Variants in ACTR10 observed in about 807,000 individuals in gnomAD.
The protein encoded by ACTR10 is actin related protein 10.
ACTR10 carries 43 observed loss-of-function variants against 56.2 expected under a neutral mutation model. The ratio of observed to expected loss-of-function variants is 0.77; its 90% confidence interval spans 0.60 to 0.99. The LOEUF is 0.99. Among genes scored for constraint, ACTR10 ranks in the 50% least tolerant of loss-of-function variants. The pLI is 0.00. For missense variants in ACTR10, 466 were observed against 507.8 expected (o/e 0.92, Z 0.79); for synonymous variants, 170 against 176.3 (o/e 0.96, Z 0.28).
intron 1 of ACTR10, among the ~76,000 whole-genome samples, chr14:58,201,289 T>C (rs528259033): frequency 6.6e-6 from 1 of 152,354 alleles, no homozygotes; most frequent in Admixed American, 6.5e-5. Flanking sequence ...TCCTTATTTA[T>C]ATTTTCTTAT....
intron 2 of ACTR10, 106 bp downstream of exon 2, chr14:58,203,033 G>A: frequency 2.7e-6 from 2 of 736,944 alleles, no homozygotes; most frequent in Non-Finnish European, 4.3e-6. Flanking sequence ...CAGCCGTGGT[G>A]GCTCACGCCT....
rs376320742 is a variant in ACTR10, at chr14:58,232,149, A to T, written c.954A>T (p.Arg318Ser). ...CTATGTTGCCAGGATTTCTCCACAG[A>T]TTGCTTGCAGAAATAAGGTATTTGG... The part of the protein sequence containing the change: ...GTSMLPGFLH[R>S]LLAEIRYLVE... Residue 318 changes from arginine (R) to serine (S), a missense_variant, in exon 12 of 13, where the codon AGA (arginine) becomes AGT (serine). Physicochemically the swap from Arg to Ser is moderately radical, Grantham distance 110. Transcript: ENST00000254286. 4 of 1,613,838 alleles carry T rather than the reference A, an allele frequency of 2.5e-6. No homozygotes were observed. The African/African-American group carries it at 4.0e-5, about 16-fold the overall frequency.
chr14:58,211,888 C>T (rs1027161059), intron 5 of ACTR10, among the ~76,000 whole-genome samples: 2 of 150,374 alleles, frequency 1.3e-5, no homozygotes, highest in African/African-American at 2.5e-5. Flanking sequence ...TGCAGTGAGC[C>T]GAGATCATGC....
chr14:58,219,969 G>A lies in ACTR10; in HGVS notation c.634+240G>A, dbSNP rs76909940. Among the ~76,000 whole-genome samples the A allele has an allele frequency of 0.013, 1,955 of 152,206 alleles. 45 individuals are homozygous for A. Among genetic ancestry groups the A allele is most frequent in the African/African-American group, 0.045 (1,858 of 41,514 alleles). The stretch of plus-strand genomic sequence containing the variant: ...TTCTCAATTGTATACAGAGTATACA[G>A]GGTTACCAGGGAACTAGTATTTTGC... On this transcript the variant is annotated intron_variant, in intron 8 of 12. Transcript: ENST00000254286.
intron 10 of ACTR10, 49 bp downstream of exon 10, chr14:58,223,905 T>C: frequency 2.7e-6 from 4 of 1,477,752 alleles, no homozygotes; most frequent in Non-Finnish European, 3.7e-6. Flanking sequence ...AATAAACTTT[T>C]GGCTTTTAAA....
At position 58,200,249 on chromosome 14, in the gene ACTR10, G is replaced by C. The variant is rs765840778; in HGVS notation, c.32G>C (p.Gly11Ala). The change falls in exon 1 of 13, where the codon GGG becomes GCG. Residue 11 changes from glycine (G) to alanine (A), a missense_variant. Transcript: ENST00000254286. MPLYEGLGSGGEKTAVVIDLG... is the reference protein window; with the variant it reads MPLYEGLGSGAEKTAVVIDLG... ...CTCTACGAGGGCCTGGGGAGCGGCG[G>C]GGAGAAGACGGCGGTCGTGATCGAC... is the stretch of plus-strand genomic sequence containing the variant. The C allele has an allele frequency of 3.2e-5, 48 of 1,517,218 alleles. No individual in the cohort carries two copies. Among genetic ancestry groups the C allele is most frequent in the Non-Finnish European group, 4.2e-5 (48 of 1,136,258 alleles). 94.0% of individuals were successfully genotyped at this position (1,517,218 alleles called of 1,614,324 possible).
At chr14:58,231,663 ATACACCTTAGAAAAATTAAATTTC>A (rs1889537694) in intron 11 of ACTR10, among the ~76,000 whole-genome samples, 1 of 152,198 alleles carries the variant, frequency 6.6e-6, no homozygotes, top group South Asian at 2.1e-4. Flanking sequence ...GGCACTGTGA[ATACACCTTAGAAAAATTAAATTTC>A]TACATATTTC....
chr14:58,201,616 A>G (rs1464130506), intron 1 of ACTR10, among the ~76,000 whole-genome samples: 1 of 152,230 alleles, frequency 6.6e-6, no homozygotes, highest in African/African-American at 2.4e-5. Context: ...AACTAGTATG[A>G]TGATCATTTT....
rs6573192 is a variant in ACTR10, at chr14:58,211,551, A to G, written c.450+152A>G. ...CAATGTGGAAAAAGTTCACAGGATT[A>G]TAAGACTTAAGTTTACTTTTTGTAG... is the stretch of plus-strand genomic sequence containing the variant. On this transcript the variant is annotated intron_variant, in intron 5 of 12. Coordinates refer to ENST00000254286, the MANE Select transcript of ACTR10 (RefSeq NM_018477.3). The G allele has an allele frequency of 0.72, 388,586 of 541,448 alleles. 143,269 individuals carry two copies. Among genetic ancestry groups the G allele is most frequent in the African/African-American group, 0.87 (45,539 of 52,390 alleles). 33.5% of individuals were successfully genotyped at this position (541,448 alleles called of 1,614,324 possible). A position where few individuals can be genotyped will look rare whatever the true frequency, so the allele number is the denominator to read the frequency against.
At chr14:58,200,338 C>T (rs762920561) in intron 1 of ACTR10, 44 bp downstream of exon 1, 3 of 1,445,952 alleles carry the variant, frequency 2.1e-6, no homozygotes, top group Non-Finnish European at 2.7e-6. Context: ...GAGGGGAGGG[C>T]GGGTGGCAGA....
At chr14:58,200,538 C>G (rs1234439794) in intron 1 of ACTR10, among the ~76,000 whole-genome samples, 1 of 152,200 alleles carries the variant, frequency 6.6e-6, no homozygotes, top group Non-Finnish European at 1.5e-5. Context: ...CGTCGCCGCC[C>G]CTTGTCATCA....
intron 7 of ACTR10, among the ~76,000 whole-genome samples, chr14:58,218,045 C>T (rs1448444686): frequency 1.3e-5 from 2 of 152,124 alleles, no homozygotes; most frequent in Non-Finnish European, 2.9e-5. Context: ...TTAAGGAGCT[C>T]CTTCCCAAAG....
intron 11 of ACTR10, 41 bp downstream of exon 11, chr14:58,230,521 C>A: frequency 2.9e-6 from 3 of 1,026,604 alleles, no homozygotes; most frequent in South Asian, 2.0e-5. Flanking sequence ...TTACCACAGT[C>A]CTTTAAATAT....
chr14:58,229,256 G>C (rs1307463149), intron 10 of ACTR10, among the ~76,000 whole-genome samples: 2 of 152,110 alleles, frequency 1.3e-5, no homozygotes, highest in African/African-American at 4.8e-5. Context: ...GAGTTGGGAG[G>C]GGAAGGAAAT....
rs148778609 is a variant in ACTR10, at chr14:58,226,367, C to T, written c.788+2511C>T. On this transcript the variant is annotated intron_variant, in intron 10 of 12. Coordinates refer to ENST00000254286, the MANE Select transcript of ACTR10 (RefSeq NM_018477.3). ...TCAAGCAATCCTCCCACCTTGCCCT[C>T]CCAGAGTGTTGGGATTACAGGCATG... Among the ~76,000 whole-genome samples, 1,183 of 151,488 alleles carry T rather than the reference C, an allele frequency of 7.8e-3. 23 individuals are homozygous for T. The highest frequency in any genetic ancestry group is 0.026 in the African/African-American group (1,092 of 41,222).
chr14:58,223,530 C>T, intron 8 of ACTR10, 92 bp from the exon 9 acceptor site: 1 of 935,826 alleles, frequency 1.1e-6, no homozygotes, highest in Non-Finnish European at 1.6e-6. Context: ...TGAGCATGTT[C>T]ACTTGAATAG....
At chr14:58,210,922 G>A (rs564807784) in intron 4 of ACTR10, among the ~76,000 whole-genome samples, 4 of 152,210 alleles carry the variant, frequency 2.6e-5, no homozygotes, top group South Asian at 4.1e-4. Context: ...TGATCCGCCC[G>A]CCTCAGCCTC....
chr14:58,227,858 T>C (rs1210206523), intron 10 of ACTR10, among the ~76,000 whole-genome samples: 1 of 152,268 alleles, frequency 6.6e-6, no homozygotes, highest in African/African-American at 2.4e-5. Context: ...GTTAATTTTG[T>C]ATTGCATTGG....
intron 8 of ACTR10, among the ~76,000 whole-genome samples, chr14:58,220,239 A>G (rs1889230460): frequency 6.6e-6 from 1 of 152,196 alleles, no homozygotes; most frequent in East Asian, 1.9e-4. Flanking sequence ...TACATTTAAA[A>G]TATAATCTTC....
Sources: gnomAD v4.1 joint callset for allele counts (sites outside exome capture counted in the v4.1 genomes callset) on GRCh38, gnomAD v4.1.1 for gene constraint, MANE v1.5 for transcripts, NCBI Gene and HGNC (gene_info 2026-07-23, HGNC 2026-07-21) for gene names.